GALNT2: variants seen among roughly 807,000 people sequenced by gnomAD.
GALNT2 encodes UDP-GalNAc:polypeptide N-acetylgalactosaminyltransferase 2.
Under a neutral mutation model 81.4 loss-of-function variants are expected in GALNT2, and 31 were observed. The ratio of observed to expected loss-of-function variants is 0.38; its 90% CI spans 0.29 to 0.51. GALNT2 has a LOEUF of 0.51. GALNT2 is among the 20% of genes least tolerant of loss of function. GALNT2 has a pLI of 0.87. For synonymous variants in GALNT2, 303 were observed against 287.4 expected, an observed-to-expected ratio of 1.05 and a Z score of -0.55; for missense variants, 629 against 765.7, an observed-to-expected ratio of 0.82 and a Z score of 2.11.
chr1:230,101,590 T>G (rs1447994737), intron 1 of GALNT2, among the ~76,000 whole-genome samples: 1 of 152,244 alleles, frequency 6.6e-6, no homozygotes, highest in East Asian at 1.9e-4. Flanking sequence ...ACAGTCCCAG[T>G]GGTGTTTTAA....
Position 230,116,479 on chromosome 1 carries a change from C to T in GALNT2, c.126+49073C>T, listed in dbSNP as rs1186520770. ...TCCTGATCTCGTGATCTACCTGCCTCGGCCTCCCAAAGTGCTGAGATTACA... is the reference window on the plus strand; with the variant it reads ...TCCTGATCTCGTGATCTACCTGCCTTGGCCTCCCAAAGTGCTGAGATTACA... On this transcript the variant is annotated intron_variant, in intron 1 of 15. Coordinates refer to ENST00000366672, the MANE Select transcript of GALNT2 (RefSeq NM_004481.5). Among the ~76,000 whole-genome samples the T allele has an allele frequency of 5.3e-5, 8 of 152,196 alleles. No individual in the cohort carries two copies. The East Asian group carries it at 7.7e-4, about 15-fold the overall frequency.
chr1:230,197,658 C>G (rs1572076118), intron 2 of GALNT2, among the ~76,000 whole-genome samples: 2 of 152,222 alleles, frequency 1.3e-5, no homozygotes, highest in African/African-American at 4.8e-5. Flanking sequence ...TATAACAACC[C>G]CAGAAGTGGA....
chr1:230,175,920 T>C (rs1304583668), intron 1 of GALNT2, among the ~76,000 whole-genome samples: 2 of 152,070 alleles, frequency 1.3e-5, no homozygotes, highest in African/African-American at 4.8e-5. Context: ...ATTTAGCTTT[T>C]TACCAGCTGC....
intron 11 of GALNT2, among the ~76,000 whole-genome samples, chr1:230,258,012 T>G (rs1665766495): frequency 6.6e-6 from 1 of 152,158 alleles, no homozygotes; most frequent in Non-Finnish European, 1.5e-5. Flanking sequence ...CTTCCCAGAT[T>G]CAAGAGATTC....
chr1:230,223,728 C>T (rs1335774748), intron 3 of GALNT2, among the ~76,000 whole-genome samples: 4 of 152,216 alleles, frequency 2.6e-5, no homozygotes, highest in Non-Finnish European at 5.9e-5. Flanking sequence ...GCCTCGGCCT[C>T]CCAAAGTGCT....
chr1:230,185,221 A>G (rs969788973), intron 2 of GALNT2, among the ~76,000 whole-genome samples: 1 of 151,654 alleles, frequency 6.6e-6, no homozygotes, highest in East Asian at 1.9e-4. Flanking sequence ...ATTGTTCTAT[A>G]TCTGAGTCTG....
At chr1:230,189,263 G>T (rs768409770) in intron 2 of GALNT2, among the ~76,000 whole-genome samples, 1 of 152,132 alleles carries the variant, frequency 6.6e-6, no homozygotes, top group African/African-American at 2.4e-5. Context: ...TCCTAAGGCC[G>T]TCTGGATTCT....
chr1:230,228,834 C>T (rs527779157), intron 3 of GALNT2, among the ~76,000 whole-genome samples: 8 of 152,248 alleles, frequency 5.3e-5, no homozygotes, highest in East Asian at 1.9e-4. Context: ...AAAAACCCTG[C>T]GTGACACTTC....
chr1:230,201,027 C>T (rs1045732790), intron 2 of GALNT2, among the ~76,000 whole-genome samples: 1 of 152,160 alleles, frequency 6.6e-6, no homozygotes, highest in African/African-American at 2.4e-5. Flanking sequence ...AGAAGCTGCT[C>T]GCTCTTGAGC....
chr1:230,078,792 G>GTTTTA (rs971409227), intron 1 of GALNT2, among the ~76,000 whole-genome samples: 1 of 152,134 alleles, frequency 6.6e-6, no homozygotes, highest in African/African-American at 2.4e-5. Flanking sequence ...CACTGTAGAT[G>GTTTTA]TTTTATTTTA....
At chr1:230,219,154 T>C (rs1408189392) in intron 3 of GALNT2, among the ~76,000 whole-genome samples, 3 of 152,264 alleles carry the variant, frequency 2.0e-5, no homozygotes, top group Non-Finnish European at 4.4e-5. Flanking sequence ...GGGTTTGTTA[T>C]CTGTTGCCTC....
chr1:230,190,371 C>G (rs1307639290), intron 2 of GALNT2, among the ~76,000 whole-genome samples: 1 of 152,248 alleles, frequency 6.6e-6, no homozygotes, highest in African/African-American at 2.4e-5. Flanking sequence ...GACCCACGCA[C>G]TTGAAGCCTC....
At chr1:230,122,409 T>G (rs1431394822) in intron 1 of GALNT2, among the ~76,000 whole-genome samples, 2 of 152,218 alleles carry the variant, frequency 1.3e-5, no homozygotes, top group Non-Finnish European at 2.9e-5. Flanking sequence ...GCTCCGCTGC[T>G]CCTCTCTCTC....
At position 230,180,276 on chromosome 1, in the gene GALNT2, G is replaced by A. The variant is rs532204847; in HGVS notation, c.220+1965G>A. 3.6e-5 allele frequency among the ~76,000 whole-genome samples: 5 copies of A among 138,518 alleles called. No individual in the cohort carries two copies. In the East Asian group the frequency reaches 1.1e-3, roughly 32 times the overall value. 90.9% of individuals were successfully genotyped at this position (138,518 alleles called of 152,430 possible). A position where few individuals can be genotyped will look rare whatever the true frequency, so the allele number is the denominator to read the frequency against. The stretch of plus-strand genomic sequence containing the variant: ...ATTTGGAGTTAATTTTGTGAAAAGT[G>A]TAAGAGCTGTGTCTAGGTTCTTTTT... On this transcript the variant is annotated intron_variant, in intron 2 of 15. Coordinates refer to ENST00000366672, the MANE Select transcript of GALNT2 (RefSeq NM_004481.5).
intron 14 of GALNT2, among the ~76,000 whole-genome samples, chr1:230,273,102 A>T (rs186868472): frequency 6.6e-6 from 1 of 152,260 alleles, no homozygotes; most frequent in East Asian, 1.9e-4. Flanking sequence ...TGTTTTTCTA[A>T]TGACGGACTA....
At chr1:230,137,816 T>C (rs1661598434) in intron 1 of GALNT2, among the ~76,000 whole-genome samples, 1 of 152,226 alleles carries the variant, frequency 6.6e-6, no homozygotes, top group Non-Finnish European at 1.5e-5. Flanking sequence ...GGGTTTGACT[T>C]TTATTATCTT....
upstream of GALNT2, among the ~76,000 whole-genome samples, chr1:230,064,291 A>G (rs1211645655): frequency 6.6e-6 from 1 of 152,152 alleles, no homozygotes; most frequent in Admixed American, 6.5e-5. Flanking sequence ...TAAGTTTATC[A>G]GAAAGTATAA....
At position 230,148,060 on chromosome 1, in the gene GALNT2, C is replaced by T. The variant is rs76054926; in HGVS notation, c.127-30158C>T. Among the ~76,000 whole-genome samples, 1,108 of 152,344 alleles carry T rather than the reference C, an allele frequency of 7.3e-3. 11 individuals carry two copies. The highest frequency in any genetic ancestry group is 0.026 in the African/African-American group (1,064 of 41,580). Reference sequence around the variant, plus strand: ...ATTACATACAGGTGCAGCCCTCTTACATACCTGTGTGTGTGTCCAGCCCCA... The same window carrying T: ...ATTACATACAGGTGCAGCCCTCTTATATACCTGTGTGTGTGTCCAGCCCCA... On this transcript the variant is annotated intron_variant, in intron 1 of 15. Coordinates refer to ENST00000366672, the MANE Select transcript of GALNT2 (RefSeq NM_004481.5).
intron 14 of GALNT2, among the ~76,000 whole-genome samples, chr1:230,267,750 G>C (rs1180844574): frequency 6.6e-6 from 1 of 152,228 alleles, no homozygotes; most frequent in African/African-American, 2.4e-5. Context: ...GGAGGAGCCA[G>C]CTGGTATTGG....
Sources: gnomAD v4.1 joint callset for allele counts (sites outside exome capture counted in the v4.1 genomes callset) on GRCh38, gnomAD v4.1.1 for gene constraint, MANE v1.5 for transcripts, NCBI Gene and HGNC (gene_info 2026-07-23, HGNC 2026-07-21) for gene names.